SLC24A2: variants seen among roughly 807,000 people sequenced by gnomAD.
SLC24A2 encodes solute carrier family 24 member 2, also known as sodium/potassium/calcium exchanger 2.
Under a neutral mutation model 62.0 loss-of-function variants are expected in SLC24A2, and 36 were observed. The observed-to-expected ratio is 0.58, with a 90% confidence interval of 0.44 to 0.77. SLC24A2 has a LOEUF of 0.77. Among genes scored for constraint, SLC24A2 ranks in the 30% least tolerant of loss-of-function variants. The pLI, the probability that SLC24A2 is intolerant of heterozygous loss-of-function variation, is 0.00. For missense variants in SLC24A2, 846 were observed against 817.9 expected (o/e 1.03, Z -0.42); for synonymous variants, 358 against 294.0 (o/e 1.22, Z -2.23).
chr9:20,246,639 A>G, the SLC24A2 span, among the ~76,000 whole-genome samples: 13 of 152,360 alleles, frequency 8.5e-5, no homozygotes, highest in African/African-American at 2.9e-4. Flanking sequence ...ATCTCCCTCA[A>G]GAAAAGAGGG....
the SLC24A2 span, among the ~76,000 whole-genome samples, chr9:20,057,789 G>C: frequency 0.18 from 26,677 of 152,124 alleles, 3,861 homozygotes; most frequent in East Asian, 0.66. Flanking sequence ...ACTTAAAACT[G>C]TGTGAGGTAG....
At chr9:19,581,845 C>G (rs1450335526) in intron 5 of SLC24A2, among the ~76,000 whole-genome samples, 2 of 152,104 alleles carry the variant, frequency 1.3e-5, no homozygotes, top group African/African-American at 4.8e-5. Flanking sequence ...GAGTACTTTT[C>G]AAGGTGAGTG....
chr9:20,220,784 GTTC>G, the SLC24A2 span, among the ~76,000 whole-genome samples: 1 of 152,088 alleles, frequency 6.6e-6, no homozygotes, highest in African/African-American at 2.4e-5. Context: ...ATTCTCTACA[GTTC>G]TTCTTTGAGA....
At chr9:19,942,135 AC>A in the SLC24A2 span, among the ~76,000 whole-genome samples, 2 of 152,160 alleles carry the variant, frequency 1.3e-5, no homozygotes, top group African/African-American at 4.8e-5. Context: ...CATTTTGTCA[AC>A]CCTCTGAGAA....
rs749332025 is a variant in SLC24A2, at chr9:19,539,094, T to C, written c.1480-10956A>G. ...ATTGTGTCTATTTGATTCTTCTCTCTTTTTTTCTTTATTAGTCTTGCTAGT... is the reference window on the plus strand; with the variant it reads ...ATTGTGTCTATTTGATTCTTCTCTCCTTTTTTCTTTATTAGTCTTGCTAGT... On this transcript the variant is annotated intron_variant, in intron 8 of 10. Transcript: ENST00000341998. Among the ~76,000 whole-genome samples the C allele has an allele frequency of 8.2e-3, 607 of 74,064 alleles. 6 individuals are homozygous for C. The highest frequency in any genetic ancestry group is 0.012 in the Non-Finnish European group (436 of 37,572). The allele number at this position is 74,064 out of a possible 152,430, so 48.6% of individuals were successfully genotyped here. A position where few individuals can be genotyped will look rare whatever the true frequency, so the allele number is the denominator to read the frequency against.
chr9:20,130,075 C>G, the SLC24A2 span, among the ~76,000 whole-genome samples: 1 of 151,900 alleles, frequency 6.6e-6, no homozygotes, highest in Admixed American at 6.6e-5. Flanking sequence ...AATCCTCAAC[C>G]ACACACCTTT....
the SLC24A2 span, among the ~76,000 whole-genome samples, chr9:19,805,062 CATAGTG>C: frequency 2.0e-5 from 3 of 152,156 alleles, no homozygotes; most frequent in African/African-American, 7.2e-5. Context: ...GACAAACCAG[CATAGTG>C]ATTGAACACA....
chr9:19,666,931 C>T (rs1299989507), intron 2 of SLC24A2, among the ~76,000 whole-genome samples: 1 of 152,184 alleles, frequency 6.6e-6, no homozygotes, highest in African/African-American at 2.4e-5. Flanking sequence ...ATCAGAGCTA[C>T]ACAAACAATA....
the SLC24A2 span, among the ~76,000 whole-genome samples, chr9:19,996,609 G>T: frequency 6.6e-6 from 1 of 152,056 alleles, no homozygotes; most frequent in Non-Finnish European, 1.5e-5. Flanking sequence ...AGGCATGCTG[G>T]CAGGTGCCTG....
the SLC24A2 span, among the ~76,000 whole-genome samples, chr9:20,060,836 A>G: frequency 6.6e-6 from 1 of 152,226 alleles, no homozygotes; most frequent in African/African-American, 2.4e-5. Flanking sequence ...CGATTTTAGT[A>G]AGGTCACAAG....
At chr9:20,024,988 G>T in the SLC24A2 span, among the ~76,000 whole-genome samples, 3 of 152,118 alleles carry the variant, frequency 2.0e-5, no homozygotes, top group African/African-American at 7.2e-5. Context: ...TAGACCACCA[G>T]GCCAGTGGTG....
rs1457110599 is a variant in SLC24A2, at chr9:19,512,049, T to C, written c.*4104A>G. 6.6e-6 allele frequency: 1 copy of C among 152,340 alleles called. No homozygotes were observed. The highest frequency in any genetic ancestry group is 1.5e-5 in the Non-Finnish European group (1 of 68,132). The allele number at this position is 152,340 out of a possible 1,614,324, so 9.4% of individuals were successfully genotyped here. On this transcript the variant is annotated 3_prime_UTR_variant, in exon 11 of 11. Transcript: ENST00000341998. ...GCCAGCCACTCTACCAGGTGTCTTT[T>C]CTTTGGTCAACTTTTTGTTAAAGTG...
chr9:20,117,751 G>T, the SLC24A2 span, among the ~76,000 whole-genome samples: 1 of 152,148 alleles, frequency 6.6e-6, no homozygotes, highest in African/African-American at 2.4e-5. Flanking sequence ...AGCAATAATA[G>T]TAATTGCTAA....
chr9:19,836,320 T>C, the SLC24A2 span, among the ~76,000 whole-genome samples: 1 of 152,004 alleles, frequency 6.6e-6, no homozygotes, highest in African/African-American at 2.4e-5. Context: ...ACAAAATTGA[T>C]AGACCACTAG....
chr9:19,626,215 C>T (rs1179226085), intron 2 of SLC24A2, among the ~76,000 whole-genome samples: 1 of 152,152 alleles, frequency 6.6e-6, no homozygotes, highest in Admixed American at 6.6e-5. Flanking sequence ...TTGTACATAG[C>T]CTTTCACCAC....
At chr9:20,271,541 A>G in the SLC24A2 span, among the ~76,000 whole-genome samples, 1 of 152,226 alleles carries the variant, frequency 6.6e-6, no homozygotes, top group Non-Finnish European at 1.5e-5. Context: ...TTATCAGCAC[A>G]CAGAAGGCTC....
chr9:19,702,043 A>G (rs1587178741), intron 2 of SLC24A2, among the ~76,000 whole-genome samples: 1 of 152,332 alleles, frequency 6.6e-6, no homozygotes, highest in Middle Eastern at 3.4e-3. Flanking sequence ...TCTTAGACTA[A>G]TCACTTAATC....
At chr9:19,705,328 G>A (rs542407391) in intron 2 of SLC24A2, 2 of 154,230 alleles carry the variant, frequency 1.3e-5, no homozygotes, top group East Asian at 1.9e-4. Flanking sequence ...AGATCAACTG[G>A]TCCCAAACAG....
At chr9:20,045,667 G>A in the SLC24A2 span, among the ~76,000 whole-genome samples, 2 of 151,912 alleles carry the variant, frequency 1.3e-5, no homozygotes, top group African/African-American at 2.4e-5. Flanking sequence ...TCCTGACCTC[G>A]TGATCTGCCT....
Sources: allele counts gnomAD v4.1 joint callset (sites outside exome capture counted in the v4.1 genomes callset), GRCh38; gene constraint gnomAD v4.1.1; transcripts MANE v1.5; gene names NCBI Gene and HGNC (gene_info 2026-07-23, HGNC 2026-07-21).